Variants in CYTH3 observed in about 807,000 individuals in gnomAD.
CYTH3 encodes the protein cytohesin-3.
CYTH3 carries 23 observed loss-of-function variants against 55.1 expected under a neutral mutation model. The observed-to-expected ratio is 0.42, with a 90% CI of 0.30 to 0.59. The LOEUF (loss-of-function observed/expected upper bound fraction) is 0.59, where lower values mean the gene tolerates loss of function less well. Ranked by LOEUF, CYTH3 falls within the 20% of genes least tolerant of loss-of-function variation. CYTH3 has a pLI of 0.20. For missense variants in CYTH3, 413 were observed against 524.8 expected (o/e 0.79, Z 2.08); for synonymous variants, 249 against 194.9 (o/e 1.28, Z -2.31).
intron 5 of CYTH3, among the ~76,000 whole-genome samples, chr7:6,176,503 T>C (rs1374742991): frequency 1.3e-5 from 2 of 152,120 alleles, no homozygotes. Flanking sequence ...CCTTGTGATC[T>C]GCCCACCTCG....
intron 1 of CYTH3, among the ~76,000 whole-genome samples, chr7:6,199,429 T>A (rs1784010005): frequency 6.6e-6 from 1 of 152,114 alleles, no homozygotes; most frequent in Non-Finnish European, 1.5e-5. Flanking sequence ...AGCAGGAGGA[T>A]CTGGAGCCCA....
intron 1 of CYTH3, 64 bp downstream of exon 1, chr7:6,272,410 G>GGGGGGGGGGGCGCC: frequency 8.2e-7 from 1 of 1,216,614 alleles, no homozygotes; most frequent in South Asian, 2.0e-5. Context: ...CCGCGCCCTC[G>GGGGGGGGGGGCGCC]ACCCCCAGCC....
chr7:6,236,071 C>T (rs1411969574), intron 1 of CYTH3, among the ~76,000 whole-genome samples: 1 of 152,198 alleles, frequency 6.6e-6, no homozygotes, highest in Admixed American at 6.5e-5. Flanking sequence ...AACCTGACTA[C>T]CTGATACTTA....
chr7:6,185,347 A>T (rs1254277884), intron 4 of CYTH3, among the ~76,000 whole-genome samples: 1 of 151,280 alleles, frequency 6.6e-6, no homozygotes, highest in Non-Finnish European at 1.5e-5. Context: ...CACTTTTGGG[A>T]GGCTGAGGTG....
At chr7:6,252,255 T>C (rs1562412690) in intron 1 of CYTH3, among the ~76,000 whole-genome samples, 1 of 152,212 alleles carries the variant, frequency 6.6e-6, no homozygotes, top group African/African-American at 2.4e-5. Flanking sequence ...AGCATGAACA[T>C]GAACAGTATT....
intron 1 of CYTH3, among the ~76,000 whole-genome samples, chr7:6,217,843 C>T (rs1036720240): frequency 1.3e-5 from 2 of 151,730 alleles, no homozygotes; most frequent in Admixed American, 1.3e-4. Context: ...ACTTACATGA[C>T]AAAAGGAACT....
At chr7:6,192,349 C>CT (rs1417170577) in intron 1 of CYTH3, among the ~76,000 whole-genome samples, 1 of 151,762 alleles carries the variant, frequency 6.6e-6, no homozygotes, top group African/African-American at 2.4e-5. Flanking sequence ...TCCCAAGTAG[C>CT]TAGGATTACA....
At chr7:6,264,077 T>A (rs544820970) in intron 1 of CYTH3, among the ~76,000 whole-genome samples, 9 of 152,076 alleles carry the variant, frequency 5.9e-5, no homozygotes, top group Non-Finnish European at 5.9e-5. Flanking sequence ...TGAAACCCCA[T>A]CGCTACTAAA....
At chr7:6,207,635 C>A (rs1784225222) in intron 1 of CYTH3, among the ~76,000 whole-genome samples, 1 of 151,480 alleles carries the variant, frequency 6.6e-6, no homozygotes, top group African/African-American at 2.4e-5. Context: ...GGTGACAGAG[C>A]GAGACTCCAT....
intron 5 of CYTH3, among the ~76,000 whole-genome samples, chr7:6,174,701 G>C (rs1583741932): frequency 1.3e-5 from 2 of 151,944 alleles, no homozygotes; most frequent in East Asian, 1.9e-4. Context: ...GCACCCGCCA[G>C]CACGCCTGGC....
At chr7:6,219,094 C>A (rs1583171949) in intron 1 of CYTH3, among the ~76,000 whole-genome samples, 1 of 150,808 alleles carries the variant, frequency 6.6e-6, no homozygotes, top group Non-Finnish European at 1.5e-5. Flanking sequence ...TTAGAGAATA[C>A]CTACATCTTC....
chr7:6,196,464 T>C (rs866876414), intron 1 of CYTH3, among the ~76,000 whole-genome samples: 10 of 149,212 alleles, frequency 6.7e-5, no homozygotes, highest in Middle Eastern at 3.5e-3. Flanking sequence ...TTCTTTTTTT[T>C]TTTTTTTTTT....
intron 6 of CYTH3, chr7:6,172,923 A>G (rs1215692516): frequency 2.5e-6 from 3 of 1,185,364 alleles, no homozygotes; most frequent in Admixed American, 6.3e-5. Flanking sequence ...AGGTAAGGCC[A>G]TGAGCAAACA....
chr7:6,213,573 C>G (rs1395957813), intron 1 of CYTH3, among the ~76,000 whole-genome samples: 1 of 151,972 alleles, frequency 6.6e-6, no homozygotes, highest in African/African-American at 2.4e-5. Flanking sequence ...TTGCCGTTGT[C>G]TTTAATTACC....
chr7:6,271,114 T>G (rs1229789277), intron 1 of CYTH3, among the ~76,000 whole-genome samples: 1 of 152,072 alleles, frequency 6.6e-6, no homozygotes, highest in Non-Finnish European at 1.5e-5. Context: ...ACAGCCTGAC[T>G]GTAGGAGGGT....
chr7:6,188,736 G>A (rs1783722382), intron 2 of CYTH3: 1 of 152,174 alleles, frequency 6.6e-6, no homozygotes, highest in African/African-American at 2.4e-5. Context: ...CTGGGCCTCA[G>A]TGTGCTCACT....
At chr7:6,193,196 A>T (rs1207140983) in intron 1 of CYTH3, among the ~76,000 whole-genome samples, 1 of 151,980 alleles carries the variant, frequency 6.6e-6, no homozygotes, top group East Asian at 1.9e-4. Context: ...AATTGGGCAA[A>T]TGACTTGCAT....
chr7:6,241,386 C>T (rs1223900702), intron 1 of CYTH3, among the ~76,000 whole-genome samples: 1 of 152,180 alleles, frequency 6.6e-6, no homozygotes, highest in Admixed American at 6.5e-5. Context: ...TCTGACCCAT[C>T]AGACTGGCAA....
intron 1 of CYTH3, among the ~76,000 whole-genome samples, chr7:6,221,308 A>G (rs1172783903): frequency 6.6e-6 from 1 of 152,052 alleles, no homozygotes; most frequent in Non-Finnish European, 1.5e-5. Context: ...CCCAGAAACA[A>G]CCCCAGTCTG....
Sources: gnomAD v4.1 joint callset for allele counts (sites outside exome capture counted in the v4.1 genomes callset) on GRCh38, gnomAD v4.1.1 for gene constraint, MANE v1.5 for transcripts, NCBI Gene and HGNC (gene_info 2026-07-23, HGNC 2026-07-21) for gene names.